Variants in PPME1 observed in about 807,000 individuals in gnomAD.
PPME1 encodes testicular secretory protein Li 39.
Under a neutral mutation model 56.9 loss-of-function variants are expected in PPME1, and 17 were observed. The ratio of observed to expected loss-of-function variants is 0.30; its 90% confidence interval spans 0.20 to 0.45. The LOEUF (loss-of-function observed/expected upper bound fraction) is 0.45. PPME1 is among the 20% of genes least tolerant of loss of function. PPME1 has a pLI of 1.00. For missense variants in PPME1, 357 were observed against 483.2 expected, an observed-to-expected ratio of 0.74 and a Z score of 2.45; for synonymous variants, 122 against 156.2, an observed-to-expected ratio of 0.78 and a Z score of 1.63.
At chr11:74,190,869 A>G (rs186660229) in intron 1 of PPME1, among the ~76,000 whole-genome samples, 109 of 152,372 alleles carry the variant, frequency 7.2e-4, no homozygotes, top group African/African-American at 2.5e-3. Context: ...GAACTGGAGT[A>G]AAAGTCATCA....
intron 7 of PPME1, among the ~76,000 whole-genome samples, chr11:74,233,014 C>A (rs1262813290): frequency 1.3e-5 from 2 of 151,690 alleles, no homozygotes; most frequent in Non-Finnish European, 1.5e-5. Flanking sequence ...GCCCTTTTTC[C>A]GAACTCTAAA....
intron 12 of PPME1, 175 bp downstream of exon 12, chr11:74,251,193 G>A: frequency 6.9e-7 from 1 of 1,450,444 alleles, no homozygotes; most frequent in South Asian, 1.5e-5. Flanking sequence ...TATGGTATTG[G>A]TTTTGTGTAT....
intron 3 of PPME1, among the ~76,000 whole-genome samples, chr11:74,214,531 C>A (rs762496119): frequency 3.3e-5 from 5 of 151,522 alleles, no homozygotes; most frequent in Non-Finnish European, 4.4e-5. Flanking sequence ...ATTTAATAAT[C>A]AAACTCCCAG....
intron 12 of PPME1, chr11:74,251,435 T>C: frequency 7.1e-7 from 1 of 1,408,190 alleles, no homozygotes; most frequent in South Asian, 1.7e-5. Context: ...GTCATTCCTC[T>C]TGAGCTCTAT....
intron 5 of PPME1, among the ~76,000 whole-genome samples, chr11:74,226,970 G>A (rs1858947027): frequency 6.6e-6 from 1 of 152,172 alleles, no homozygotes; most frequent in Non-Finnish European, 1.5e-5. Flanking sequence ...GAGAATGCAC[G>A]ACCATGGTTT....
chr11:74,187,233 G>T (rs1327588929), intron 1 of PPME1, among the ~76,000 whole-genome samples: 2 of 152,082 alleles, frequency 1.3e-5, no homozygotes, highest in Non-Finnish European at 2.9e-5. Context: ...TGGGTCCCTT[G>T]AATTTCCATA....
chr11:74,237,339 G>A (rs1027790960), intron 8 of PPME1, among the ~76,000 whole-genome samples: 3 of 147,626 alleles, frequency 2.0e-5, no homozygotes, highest in South Asian at 2.1e-4. Flanking sequence ...GCAGTGGCGC[G>A]ATCTCAGCTC....
intron 9 of PPME1, among the ~76,000 whole-genome samples, chr11:74,242,556 C>T (rs933072130): frequency 2.0e-5 from 3 of 152,088 alleles, no homozygotes; most frequent in Non-Finnish European, 4.4e-5. Flanking sequence ...ACAATTCTTT[C>T]AGATCTTGTG....
intron 7 of PPME1, among the ~76,000 whole-genome samples, chr11:74,232,482 C>G (rs1243503013): frequency 6.6e-6 from 1 of 152,306 alleles, no homozygotes; most frequent in South Asian, 2.1e-4. Flanking sequence ...TTCCTGTTCA[C>G]TACTGTGATG....
At chr11:74,189,602 C>A (rs946832874) in intron 1 of PPME1, among the ~76,000 whole-genome samples, 2 of 152,166 alleles carry the variant, frequency 1.3e-5, no homozygotes, top group Non-Finnish European at 2.9e-5. Flanking sequence ...ACCTGGCTTG[C>A]CTACTGGTTT....
chr11:74,232,467 A>G (rs773814504), intron 7 of PPME1, among the ~76,000 whole-genome samples: 3 of 152,198 alleles, frequency 2.0e-5, no homozygotes, highest in Non-Finnish European at 4.4e-5. Flanking sequence ...TGAAGTTTCT[A>G]CCACTTCCTG....
intron 3 of PPME1, among the ~76,000 whole-genome samples, chr11:74,215,818 T>C (rs1003205837): frequency 2.0e-5 from 3 of 152,170 alleles, no homozygotes; most frequent in Non-Finnish European, 4.4e-5. Context: ...GACAAAGATA[T>C]TCCATGCTGA....
intron 1 of PPME1, among the ~76,000 whole-genome samples, chr11:74,178,262 G>A (rs1481155511): frequency 6.6e-6 from 1 of 152,192 alleles, no homozygotes; most frequent in Non-Finnish European, 1.5e-5. Flanking sequence ...TCCTTTCCTA[G>A]CTAAGCTTGT....
At chr11:74,241,890 C>A (rs1859370076) in intron 9 of PPME1, among the ~76,000 whole-genome samples, 1 of 152,096 alleles carries the variant, frequency 6.6e-6, no homozygotes, top group Non-Finnish European at 1.5e-5. Context: ...AGATACAGAT[C>A]CCTAATTTGC....
intron 1 of PPME1, among the ~76,000 whole-genome samples, chr11:74,199,634 C>T (rs1479947448): frequency 6.6e-6 from 1 of 152,112 alleles, no homozygotes; most frequent in Non-Finnish European, 1.5e-5. Flanking sequence ...ACCACCACAA[C>T]CAACAATAAA....
intron 3 of PPME1, among the ~76,000 whole-genome samples, chr11:74,217,194 T>C (rs1858670080): frequency 6.6e-6 from 1 of 152,124 alleles, no homozygotes; most frequent in South Asian, 2.1e-4. Flanking sequence ...TGATGAACAT[T>C]GATGCAGAAA....
intron 1 of PPME1, among the ~76,000 whole-genome samples, chr11:74,185,356 C>T (rs138162939): frequency 2.0e-5 from 3 of 152,166 alleles, no homozygotes; most frequent in Non-Finnish European, 4.4e-5. Context: ...GGGAGGGGAT[C>T]GTATGGCTGT....
intron 12 of PPME1, chr11:74,251,251 G>A (rs2135685109): frequency 1.4e-6 from 2 of 1,385,346 alleles, no homozygotes; most frequent in East Asian, 2.6e-5. Context: ...CCAGGGCCCT[G>A]TGGTTAAGAT....
At chr11:74,252,922 G>T (rs866930890) in intron 13 of PPME1, among the ~76,000 whole-genome samples, 2 of 152,166 alleles carry the variant, frequency 1.3e-5, no homozygotes, top group Non-Finnish European at 2.9e-5. Flanking sequence ...AGTCTGTACT[G>T]CAGAAGGCCT....
Sources: gnomAD v4.1 joint callset for allele counts (sites outside exome capture counted in the v4.1 genomes callset) on GRCh38, gnomAD v4.1.1 for gene constraint, MANE v1.5 for transcripts, NCBI Gene and HGNC (gene_info 2026-07-23, HGNC 2026-07-21) for gene names.